The following DNER variants were observed in gnomAD, a reference collection of about 807,000 sequenced individuals.
The protein encoded by DNER is delta/notch like EGF repeat containing.
Under a neutral mutation model 78.2 loss-of-function variants are expected in DNER, and 33 were observed. The ratio of observed to expected loss-of-function variants is 0.42; its 90% confidence interval spans 0.32 to 0.56. The LOEUF (loss-of-function observed/expected upper bound fraction) is 0.56, where lower values mean the gene tolerates loss of function less well. Among genes scored for constraint, DNER ranks in the 20% least tolerant of loss-of-function variants. The pLI is 0.11. For synonymous variants in DNER, 417 were observed against 384.8 expected (o/e 1.08, Z -0.98); for missense variants, 918 against 975.3 (o/e 0.94, Z 0.78).
At chr2:229,474,403 C>T (rs966050968) in intron 7 of DNER, among the ~76,000 whole-genome samples, 1 of 152,214 alleles carries the variant, frequency 6.6e-6, no homozygotes, top group Non-Finnish European at 1.5e-5. Flanking sequence ...CTTTTCCCTG[C>T]TCAGGCTTCA....
In DNER at chr2:229,367,065, T is replaced by G; in HGVS notation, c.1910A>C (p.His637Pro). 2 of 1,613,936 alleles carry G rather than the reference T, an allele frequency of 1.2e-6. No homozygotes were observed. Among genetic ancestry groups the G allele is most frequent in the Non-Finnish European group, 8.5e-7 (1 of 1,179,984 alleles). Residue 637 changes from histidine (H) to proline (P), a missense_variant, in exon 12 of 13, where the codon CAC (histidine) becomes CCC (proline). Physicochemically the swap from His to Pro is moderately conservative, Grantham distance 77. Transcript: ENST00000341772. ...MAESLTNMPR[H>P]SLYIIIGALC... ...GGCTCCAATGATGATGTAGAGGGAG[T>G]GCCGTGGCATGTTGGTGAGGCTCTC...
intron 12 of DNER, 49 bp downstream of exon 12, chr2:229,366,824 A>G (rs1313608295): frequency 6.2e-7 from 1 of 1,609,372 alleles, no homozygotes; most frequent in Non-Finnish European, 8.5e-7. Flanking sequence ...CCTGTTCCCA[A>G]GAATGCACAT....
At chr2:229,372,896 G>T (rs1692518312) in intron 11 of DNER, among the ~76,000 whole-genome samples, 2 of 152,088 alleles carry the variant, frequency 1.3e-5, no homozygotes, top group Admixed American at 1.3e-4. Context: ...AGAGAAACCA[G>T]GAGGCCAATT....
At chr2:229,710,364 T>TATCAA (rs939791169) in intron 1 of DNER, among the ~76,000 whole-genome samples, 10 of 152,220 alleles carry the variant, frequency 6.6e-5, no homozygotes, top group Admixed American at 6.5e-4. Context: ...TATAGCCCTG[T>TATCAA]ATCAAGCCAG....
At chr2:229,668,804 C>T (rs1574554130) in intron 1 of DNER, among the ~76,000 whole-genome samples, 1 of 151,692 alleles carries the variant, frequency 6.6e-6, no homozygotes, top group South Asian at 2.1e-4. Flanking sequence ...TTGTGGAAGA[C>T]AGTGTGGCGA....
chr2:229,572,943 G>C (rs997189376), intron 4 of DNER, among the ~76,000 whole-genome samples: 26 of 152,188 alleles, frequency 1.7e-4, no homozygotes, highest in African/African-American at 4.6e-4. Context: ...ATCTCTTAAA[G>C]TCAGGGATTG....
At chr2:229,698,230 AG>A (rs1699690077) in intron 1 of DNER, among the ~76,000 whole-genome samples, 1 of 152,114 alleles carries the variant, frequency 6.6e-6, no homozygotes, top group African/African-American at 2.4e-5. Context: ...AAACAATAAA[AG>A]AAAAAAAATG....
In DNER at chr2:229,425,800, C is replaced by T. The variant is rs150175870; in HGVS notation, c.1487-7570G>A. On this transcript the variant is annotated intron_variant, in intron 8 of 12. Coordinates refer to ENST00000341772, the MANE Select transcript of DNER (RefSeq NM_139072.4). ...TCATCTGTCAGTATCACCTCTGGAG[C>T]GTGATTTGTGCTTCCTGCTGCCTCA... Among the ~76,000 whole-genome samples the T allele has an allele frequency of 1.2e-4, 18 of 152,296 alleles. No individual in the cohort carries two copies. In the East Asian group the frequency reaches 2.7e-3, roughly 23 times the overall value.
intron 5 of DNER, among the ~76,000 whole-genome samples, chr2:229,528,744 A>G (rs1696251156): frequency 6.6e-6 from 1 of 152,238 alleles, no homozygotes; most frequent in Admixed American, 6.5e-5. Flanking sequence ...AACACAAATA[A>G]GGCCTTCCCG....
intron 5 of DNER, among the ~76,000 whole-genome samples, chr2:229,545,965 C>T (rs1696619409): frequency 6.6e-6 from 1 of 152,336 alleles, no homozygotes; most frequent in South Asian, 2.1e-4. Context: ...AAGTGAATGA[C>T]TGTGTTTACC....
At chr2:229,610,413 C>A (rs562851221) in intron 1 of DNER, among the ~76,000 whole-genome samples, 4 of 152,302 alleles carry the variant, frequency 2.6e-5, no homozygotes, top group African/African-American at 9.6e-5. Flanking sequence ...AACTGAGACC[C>A]GCATTCAGAT....
chr2:229,538,166 C>T (rs887464269), intron 5 of DNER, among the ~76,000 whole-genome samples: 12 of 152,188 alleles, frequency 7.9e-5, no homozygotes, highest in Non-Finnish European at 1.8e-4. Flanking sequence ...AGCACTTTCT[C>T]TCTCAGAGGT....
rs11894077 is a variant in DNER at position 229,384,571 on chromosome 2, A to C, written c.1855+3694T>G. The stretch of plus-strand genomic sequence containing the variant: ...CAGATAGACACAATAAAAATTGATA[A>C]AGGGGATATCACCGCTGATCTGATA... On this transcript the variant is annotated intron_variant, in intron 11 of 12. Transcript: ENST00000341772. Among the ~76,000 whole-genome samples the C allele has an allele frequency of 6.6e-3, 1,010 of 152,290 alleles. 6 individuals carry two copies. Among genetic ancestry groups the C allele is most frequent in the African/African-American group, 0.023 (941 of 41,568 alleles).
intron 9 of DNER, among the ~76,000 whole-genome samples, chr2:229,412,427 G>T (rs1693542586): frequency 6.6e-6 from 1 of 152,206 alleles, no homozygotes; most frequent in Non-Finnish European, 1.5e-5. Context: ...GAGCTGTAGA[G>T]AATTTAAAAA....
intron 1 of DNER, among the ~76,000 whole-genome samples, chr2:229,660,489 A>G (rs928174517): frequency 6.6e-6 from 1 of 152,112 alleles, no homozygotes; most frequent in Non-Finnish European, 1.5e-5. Context: ...TCCATAGTGT[A>G]TATGTGCCAC....
At chr2:229,429,504 C>A (rs77999461) in intron 8 of DNER, among the ~76,000 whole-genome samples, 6,874 of 152,238 alleles carry the variant, frequency 0.045, 277 homozygotes, top group South Asian at 0.15. Context: ...CTGGCGTAAG[C>A]ACATCATGAT....
At chr2:229,533,602 C>G (rs1033662062) in intron 5 of DNER, among the ~76,000 whole-genome samples, 1 of 152,132 alleles carries the variant, frequency 6.6e-6, no homozygotes, top group Non-Finnish European at 1.5e-5. Flanking sequence ...CGTACCAGGC[C>G]CTTCTGCTCC....
intron 9 of DNER, among the ~76,000 whole-genome samples, chr2:229,407,779 T>C (rs1693419830): frequency 1.3e-5 from 2 of 151,516 alleles, no homozygotes; most frequent in African/African-American, 2.4e-5. Context: ...CAGTTCTACT[T>C]TGAAGAACTG....
At position 229,585,872 on chromosome 2, in the gene DNER, T is replaced by G; in HGVS notation, c.833A>C (p.Asn278Thr). 1 of 1,613,790 alleles carries G rather than the reference T, an allele frequency of 6.2e-7. No individual in the cohort carries two copies. The highest frequency in any genetic ancestry group is 8.5e-7 in the Non-Finnish European group (1 of 1,179,920). Residue 278 changes from asparagine (N) to threonine (T), a missense_variant, in exon 4 of 13, where the codon AAT becomes ACT. By Grantham distance (65) the Asn-to-Thr change is moderately conservative. Coordinates refer to ENST00000341772, the MANE Select transcript of DNER (RefSeq NM_139072.4). ...VLLEEMLALG[N>T]NHFIGFVNDS... ...TGGTAACTCACCAATAAAGTGATTA[T>G]TCCCCAAGGCGAGCATCTCCTCCAG...
Sources: gnomAD v4.1 joint callset for allele counts (sites outside exome capture counted in the v4.1 genomes callset) on GRCh38, gnomAD v4.1.1 for gene constraint, MANE v1.5 for transcripts, NCBI Gene and HGNC (gene_info 2026-07-23, HGNC 2026-07-21) for gene names.